ASCC3: variants seen among roughly 807,000 people sequenced by gnomAD.
ASCC3 encodes the protein activating signal cointegrator 1 complex subunit 3.
Under a neutral mutation model 256.3 loss-of-function variants are expected in ASCC3, and 158 were observed. The observed-to-expected ratio is 0.62, with a 90% CI of 0.54 to 0.70. The LOEUF is 0.70. Among genes scored for constraint, ASCC3 ranks in the 30% least tolerant of loss-of-function variants. The pLI is 0.00. For synonymous variants in ASCC3, 948 were observed against 883.4 expected (o/e 1.07, Z -1.30); for missense variants, 2,259 against 2,626.0 (o/e 0.86, Z 3.05).
chr6:100,625,403 T>C (rs986279393), intron 29 of ASCC3, 69 bp from the exon 30 acceptor site: 32 of 1,539,484 alleles, frequency 2.1e-5, no homozygotes, highest in Middle Eastern at 1.7e-4. Context: ...CATTAGGATA[T>C]CAAATGGATA....
intron 5 of ASCC3, among the ~76,000 whole-genome samples, chr6:100,800,853 GATA>G (rs989831359): frequency 2.1e-4 from 32 of 151,006 alleles, no homozygotes; most frequent in African/African-American, 7.3e-4. Context: ...AATAATTATC[GATA>G]ATAATTAGCA....
intron 8 of ASCC3, among the ~76,000 whole-genome samples, chr6:100,791,790 C>T (rs1033883094): frequency 6.6e-6 from 1 of 151,946 alleles, no homozygotes; most frequent in African/African-American, 2.4e-5. Flanking sequence ...CCAAACATGG[C>T]AAACTTGTTT....
At chr6:100,868,553 G>C (rs1773587519) in intron 1 of ASCC3, among the ~76,000 whole-genome samples, 1 of 152,120 alleles carries the variant, frequency 6.6e-6, no homozygotes, top group African/African-American at 2.4e-5. Context: ...GTCTATCAAA[G>C]CCCAAAATTT....
intron 36 of ASCC3, among the ~76,000 whole-genome samples, chr6:100,579,681 TG>T (rs1771095085): frequency 3.3e-5 from 5 of 152,136 alleles, no homozygotes; most frequent in Admixed American, 6.5e-5. Flanking sequence ...TCTGTTCCAT[TG>T]GTCTATGTCT....
chr6:100,579,259 T>C (rs1771060196), intron 36 of ASCC3, among the ~76,000 whole-genome samples: 1 of 151,428 alleles, frequency 6.6e-6, no homozygotes, highest in African/African-American at 2.4e-5. Context: ...GTCAGAGGAA[T>C]AGTTTGCAAA....
At chr6:100,852,894 C>G (rs1157281903) in intron 3 of ASCC3, among the ~76,000 whole-genome samples, 1 of 151,730 alleles carries the variant, frequency 6.6e-6, no homozygotes, top group Non-Finnish European at 1.5e-5. Context: ...CCCTACAATA[C>G]TTTTATTAAG....
chr6:100,708,885 C>T (rs374256565), intron 13 of ASCC3, among the ~76,000 whole-genome samples: 2 of 152,000 alleles, frequency 1.3e-5, no homozygotes, highest in African/African-American at 4.8e-5. Context: ...TACATCCAAA[C>T]CAATACATGA....
At chr6:100,805,614 G>A (rs1582890094) in intron 5 of ASCC3, 146 bp downstream of exon 5, 10 of 1,011,222 alleles carry the variant, frequency 9.9e-6, no homozygotes, top group Admixed American at 2.7e-5. Context: ...TTCATAATAT[G>A]CCATATCTAA....
chr6:100,731,235 T>C (rs570580114), intron 10 of ASCC3, among the ~76,000 whole-genome samples: 3 of 152,304 alleles, frequency 2.0e-5, no homozygotes, highest in African/African-American at 7.2e-5. Context: ...AAAAATACTT[T>C]CCAGACTATG....
At chr6:100,528,444 A>G (rs1774704299) in intron 37 of ASCC3, among the ~76,000 whole-genome samples, 1 of 152,108 alleles carries the variant, frequency 6.6e-6, no homozygotes. Flanking sequence ...CAGCTGATTT[A>G]TTTTTTTGGC....
At chr6:100,634,592 ATATTT>A (rs1197201212) in intron 25 of ASCC3, among the ~76,000 whole-genome samples, 1 of 152,212 alleles carries the variant, frequency 6.6e-6, no homozygotes, top group East Asian at 1.9e-4. Flanking sequence ...ATCTGAATAC[ATATTT>A]TTTTCCAAAA....
intron 36 of ASCC3, among the ~76,000 whole-genome samples, chr6:100,555,182 T>A (rs984837014): frequency 6.6e-6 from 1 of 151,882 alleles, no homozygotes. Flanking sequence ...AAAACTAAAA[T>A]CCAGCTAATT....
chr6:100,815,334 T>C (rs1334650195), intron 4 of ASCC3, among the ~76,000 whole-genome samples: 1 of 151,968 alleles, frequency 6.6e-6, no homozygotes, highest in Non-Finnish European at 1.5e-5. Context: ...AAAATGGCCA[T>C]ACTGCCAAAA....
intron 13 of ASCC3, among the ~76,000 whole-genome samples, chr6:100,699,154 G>A (rs1398078086): frequency 2.6e-5 from 4 of 152,248 alleles, no homozygotes; most frequent in Non-Finnish European, 5.9e-5. Flanking sequence ...TGCATCATAT[G>A]GTTTGGCTGT....
chr6:100,644,102 A>C lies in ASCC3; in HGVS notation c.3661T>G (p.Trp1221Gly). 1 of 1,612,810 alleles carries C rather than the reference A, an allele frequency of 6.2e-7. No homozygotes were observed. The highest frequency in any genetic ancestry group is 8.5e-7 in the Non-Finnish European group (1 of 1,179,252). Residue 1221 changes from tryptophan (W) to glycine (G), a missense_variant, in exon 23 of 42, where the codon TGG becomes GGG. Trp to Gly is a radical substitution (Grantham distance 184). Around this residue, in one of 2 missense-constraint regions of ASCC3, gnomAD observed 1,839 missense variants for 2,206.7 expected, o/e 0.83. Coordinates refer to ENST00000369162, the MANE Select transcript of ASCC3 (RefSeq NM_006828.4). The part of the protein sequence containing the change: ...QVHGTVGEPW[W>G]IWVEDPTNDH... ...TTTGTAGGATCTTCTACCCAAATCC[A>C]CCAAGGTTCTCCTACTGTCCCATGT...
chr6:100,647,392 G>A lies in ASCC3; in HGVS notation c.3312C>T (p.Thr1104=). ...TAAGATTCAGGAGCCTGTAGGTCAT[G>A]GTAGGCCAACGTTTCCTCAGAGCAA... The part of the protein sequence containing the change: ...FEIALRKRWP[T]MTYRLLNLSK... Residue 1104 remains threonine, a synonymous_variant, in exon 21 of 42, where the codon ACC becomes ACT. Coordinates refer to ENST00000369162, the MANE Select transcript of ASCC3 (RefSeq NM_006828.4). 2 of 1,614,016 alleles carry A rather than the reference G, an allele frequency of 1.2e-6. No individual in the cohort carries two copies. The highest frequency in any genetic ancestry group is 1.3e-5 in the African/African-American group (1 of 75,030).
chr6:100,855,318 T>C (rs1387507766), intron 3 of ASCC3, among the ~76,000 whole-genome samples: 1 of 152,146 alleles, frequency 6.6e-6, no homozygotes, highest in African/African-American at 2.4e-5. Flanking sequence ...GGTTTCACCA[T>C]GTTGTCCAGG....
At chr6:100,832,011 C>G (rs1236808931) in intron 4 of ASCC3, among the ~76,000 whole-genome samples, 3 of 151,784 alleles carry the variant, frequency 2.0e-5, no homozygotes, top group Admixed American at 6.6e-5. Context: ...GAATGCAAGA[C>G]AGAAGTAAAT....
chr6:100,837,625 G>T (rs756485749), intron 4 of ASCC3, among the ~76,000 whole-genome samples: 1 of 151,944 alleles, frequency 6.6e-6, no homozygotes, highest in Admixed American at 6.6e-5. Context: ...AAAATAAGCC[G>T]GGCACAGTAA....
Sources: allele counts gnomAD v4.1 joint callset (sites outside exome capture counted in the v4.1 genomes callset), GRCh38; gene constraint gnomAD v4.1.1; regional missense constraint gnomAD v4.1.1; transcripts MANE v1.5; gene names NCBI Gene and HGNC (gene_info 2026-07-23, HGNC 2026-07-21).